The following RBFOX1 variants were observed in gnomAD, a reference collection of about 807,000 sequenced individuals.
The protein encoded by RBFOX1 is RNA binding fox-1 homolog 1, also known as RNA binding protein fox-1 homolog 1.
RBFOX1 carries 8 observed loss-of-function variants against 57.7 expected under a neutral mutation model. The observed-to-expected ratio is 0.14, with a 90% CI of 0.08 to 0.25. The LOEUF (loss-of-function observed/expected upper bound fraction) is 0.25, where lower values mean the gene tolerates loss of function less well. Ranked by LOEUF, RBFOX1 falls within the 10% of genes least tolerant of loss-of-function variation. The probability of loss-of-function intolerance (pLI) is 1.00; values close to 1 mark genes in which losing one functional copy is unlikely to be tolerated. For synonymous variants in RBFOX1, 326 were observed against 222.4 expected, an observed-to-expected ratio of 1.47 and a Z score of -4.15; for missense variants, 611 against 548.5, an observed-to-expected ratio of 1.11 and a Z score of -1.14.
At chr16:6,402,300 C>T (rs771546546) in intron 2 of RBFOX1, among the ~76,000 whole-genome samples, 2 of 151,970 alleles carry the variant, frequency 1.3e-5, no homozygotes, top group Non-Finnish European at 1.5e-5. Context: ...TATGTAGAGG[C>T]GACCATAGTA....
chr16:6,383,147 C>G (rs2091964406), intron 2 of RBFOX1, among the ~76,000 whole-genome samples: 1 of 152,192 alleles, frequency 6.6e-6, no homozygotes. Flanking sequence ...GGGCTTCGCT[C>G]CCACAACATT....
At chr16:6,357,581 C>G (rs548267205) in intron 2 of RBFOX1, among the ~76,000 whole-genome samples, 52 of 151,962 alleles carry the variant, frequency 3.4e-4, no homozygotes, top group African/African-American at 1.2e-3. Flanking sequence ...CTCTCTCTCT[C>G]GCTGTCTCGC....
rs559355020 is a variant in RBFOX1 at position 6,915,325 on chromosome 16, G to A, written c.-15-136732G>A. On this transcript the variant is annotated intron_variant, in intron 3 of 15. Transcript: ENST00000550418. Reference sequence around the variant, plus strand: ...TGTTGCGGACTAGGGAGCTAACTGCGGTTCCTTTCTGCAGGGAGGAAGCTT... The same window carrying A: ...TGTTGCGGACTAGGGAGCTAACTGCAGTTCCTTTCTGCAGGGAGGAAGCTT... Among the ~76,000 whole-genome samples the A allele has an allele frequency of 1.5e-4, 23 of 152,200 alleles. No homozygotes were observed. In the East Asian group the frequency reaches 1.7e-3, roughly 12 times the overall value.
At chr16:6,976,562 G>T (rs1371801014) in intron 3 of RBFOX1, among the ~76,000 whole-genome samples, 1 of 151,862 alleles carries the variant, frequency 6.6e-6, no homozygotes, top group Non-Finnish European at 1.5e-5. Flanking sequence ...TATTAGGAAA[G>T]GCAAGTGGTG....
chr16:6,583,856 T>C (rs1442475575), intron 2 of RBFOX1, among the ~76,000 whole-genome samples: 2 of 152,192 alleles, frequency 1.3e-5, no homozygotes, highest in Non-Finnish European at 2.9e-5. Context: ...TAGGGGAATC[T>C]ACAAATAATA....
intron 1 of RBFOX1, among the ~76,000 whole-genome samples, chr16:6,189,067 G>A (rs1202830663): frequency 6.6e-6 from 1 of 152,190 alleles, no homozygotes; most frequent in East Asian, 1.9e-4. Flanking sequence ...CATGTTTTAT[G>A]TGGTTTCAGA....
At chr16:6,427,825 T>C (rs960641448) in intron 2 of RBFOX1, among the ~76,000 whole-genome samples, 8 of 152,148 alleles carry the variant, frequency 5.3e-5, no homozygotes, top group Non-Finnish European at 1.0e-4. Context: ...CTGAAGCCAT[T>C]TGGCCTGAGT....
chr16:7,210,798 C>A (rs553587552), intron 4 of RBFOX1, among the ~76,000 whole-genome samples: 212 of 152,162 alleles, frequency 1.4e-3, no homozygotes, highest in African/African-American at 5.0e-3. Context: ...AAAAGTACAT[C>A]TGTGTGTGAG....
chr16:6,824,039 T>C (rs886489250), intron 3 of RBFOX1, among the ~76,000 whole-genome samples: 2 of 152,202 alleles, frequency 1.3e-5, no homozygotes, highest in East Asian at 3.9e-4. Context: ...CTCCATTATC[T>C]GGATTTCCAT....
intron 3 of RBFOX1, among the ~76,000 whole-genome samples, chr16:6,816,843 C>T (rs1295612332): frequency 6.6e-6 from 1 of 152,050 alleles, no homozygotes; most frequent in Non-Finnish European, 1.5e-5. Context: ...CTCCTGGGCT[C>T]AAACAGTCCT....
At chr16:6,722,667 T>C (rs958370534) in intron 3 of RBFOX1, among the ~76,000 whole-genome samples, 1 of 152,222 alleles carries the variant, frequency 6.6e-6, no homozygotes, top group Admixed American at 6.5e-5. Flanking sequence ...TAAATATGGC[T>C]AAAATTCTGT....
At chr16:5,790,792 T>C (rs532610615) in intron 3 of RBFOX1, among the ~76,000 whole-genome samples, 6 of 152,244 alleles carry the variant, frequency 3.9e-5, no homozygotes, top group African/African-American at 1.4e-4. Flanking sequence ...TACAGGACCA[T>C]TCCAGAGTCA....
chr16:6,245,400 C>T (rs1372760422), intron 1 of RBFOX1, among the ~76,000 whole-genome samples: 1 of 152,048 alleles, frequency 6.6e-6, no homozygotes, highest in Non-Finnish European at 1.5e-5. Context: ...GTATCTGCAC[C>T]AATAATTCCA....
intron 4 of RBFOX1, among the ~76,000 whole-genome samples, chr16:7,497,171 A>G (rs976739122): frequency 6.6e-6 from 1 of 152,140 alleles, no homozygotes; most frequent in African/African-American, 2.4e-5. Context: ...ATCAAATACA[A>G]ACTACTTTAT....
intron 2 of RBFOX1, among the ~76,000 whole-genome samples, chr16:6,472,407 A>G (rs898781975): frequency 6.6e-6 from 1 of 152,092 alleles, no homozygotes; most frequent in Non-Finnish European, 1.5e-5. Context: ...GATGCCCCCA[A>G]GCATGTGAGA....
chr16:5,967,206 C>T (rs929636945), intron 4 of RBFOX1, among the ~76,000 whole-genome samples: 12 of 152,096 alleles, frequency 7.9e-5, no homozygotes, highest in Admixed American at 7.2e-4. Flanking sequence ...ATTTGCCAGT[C>T]CCAGGACTAG....
intron 13 of RBFOX1, among the ~76,000 whole-genome samples, chr16:7,673,292 T>C (rs1210146503): frequency 3.3e-5 from 5 of 152,160 alleles, no homozygotes; most frequent in Non-Finnish European, 4.4e-5. Flanking sequence ...ATGAATATTG[T>C]CCCAAGGAGT....
chr16:6,322,054 GTTAC>G (rs1394444484), intron 2 of RBFOX1, among the ~76,000 whole-genome samples: 3 of 152,292 alleles, frequency 2.0e-5, no homozygotes, highest in South Asian at 2.1e-4. Flanking sequence ...CCAAGCCTTA[GTTAC>G]TAACATTGTC....
intron 3 of RBFOX1, among the ~76,000 whole-genome samples, chr16:6,777,052 A>C (rs1038444285): frequency 7.2e-5 from 11 of 152,154 alleles, no homozygotes; most frequent in East Asian, 1.9e-4. Context: ...TCTGAAAGCT[A>C]CCTGAGGGCA....
Sources: allele counts gnomAD v4.1 joint callset (sites outside exome capture counted in the v4.1 genomes callset), GRCh38; gene constraint gnomAD v4.1.1; transcripts MANE v1.5; gene names NCBI Gene and HGNC (gene_info 2026-07-23, HGNC 2026-07-21).